Variants in STAG1 observed in about 807,000 individuals in gnomAD.
STAG1 encodes the protein cohesin subunit SA-1.
Under a neutral mutation model 170.9 loss-of-function variants are expected in STAG1, and 26 were observed. That is an observed-to-expected ratio of 0.15 (90% CI 0.11 to 0.21). STAG1 has a LOEUF of 0.21. STAG1 is among the 10% of genes least tolerant of loss of function. The pLI is 1.00. For synonymous variants in STAG1, 514 were observed against 497.7 expected (o/e 1.03, Z -0.44); for missense variants, 964 against 1,509.5 (o/e 0.64, Z 5.99).
At chr3:136,403,973 G>A (rs1430322970) in intron 21 of STAG1, among the ~76,000 whole-genome samples, 1 of 152,070 alleles carries the variant, frequency 6.6e-6, no homozygotes, top group African/African-American at 2.4e-5. Flanking sequence ...CTGCTTTCTC[G>A]CAGACATAAT....
At chr3:136,341,656 A>C in intron 30 of STAG1, 105 bp from the exon 31 acceptor site, 1 of 692,482 alleles carries the variant, frequency 1.4e-6, no homozygotes, top group East Asian at 2.7e-5. Context: ...CCCATGTTGG[A>C]GGAATTAGCT....
In STAG1 at chr3:136,613,313, C is replaced by CAAAAAAAAAAAAAAAAA. The variant is rs60449608; in HGVS notation, c.133-8857_133-8841dup. Among the ~76,000 whole-genome samples, 14 of 59,760 alleles carry CAAAAAAAAAAAAAAAAA rather than the reference C, an allele frequency of 2.3e-4. 1 individual carries two copies. Among genetic ancestry groups the CAAAAAAAAAAAAAAAAA allele is most frequent in the Admixed American group, 5.9e-4 (2 of 3,408 alleles). 39.2% of individuals were successfully genotyped at this position (59,760 alleles called of 152,430 possible). The stretch of plus-strand genomic sequence containing the variant: ...AAGTGAACAGAGTGAGACTCCGTCT[C>CAAAAAAAAAAAAAAAAA]AAAAAAAAAAAAAAAAAAAAAAGAA... On this transcript the variant is annotated intron_variant, in intron 3 of 33. Coordinates refer to ENST00000383202, the MANE Select transcript of STAG1 (RefSeq NM_005862.3).
intron 6 of STAG1, among the ~76,000 whole-genome samples, chr3:136,521,833 G>C (rs1412831840): frequency 6.6e-6 from 1 of 152,134 alleles, no homozygotes. Flanking sequence ...ATTTTAAATT[G>C]AATTTTTAAG....
At chr3:136,655,926 T>A (rs1273813211) in intron 1 of STAG1, among the ~76,000 whole-genome samples, 1 of 152,160 alleles carries the variant, frequency 6.6e-6, no homozygotes, top group African/African-American at 2.4e-5. Flanking sequence ...CTTCTGGGTA[T>A]GTAGTCCAAA....
intron 1 of STAG1, among the ~76,000 whole-genome samples, chr3:136,746,586 T>C (rs535845652): frequency 6.6e-6 from 1 of 152,340 alleles, no homozygotes; most frequent in African/African-American, 2.4e-5. Flanking sequence ...CTAAACCGTA[T>C]GCCATGACTA....
intron 1 of STAG1, among the ~76,000 whole-genome samples, chr3:136,696,534 TTGAGTGATAA>T (rs1055893365): frequency 4.9e-4 from 75 of 152,018 alleles, no homozygotes; most frequent in Non-Finnish European, 3.2e-4. Flanking sequence ...ACTATGAACT[TTGAGTGATAA>T]TGAGTCAGTG....
At chr3:136,604,899 C>T (rs1467066463) in intron 3 of STAG1, among the ~76,000 whole-genome samples, 3 of 152,210 alleles carry the variant, frequency 2.0e-5, no homozygotes, top group African/African-American at 7.2e-5. Context: ...ATTCGCCCAC[C>T]TTGGCCTTCA....
chr3:136,523,622 G>A (rs1176670568), intron 6 of STAG1, among the ~76,000 whole-genome samples: 1 of 152,094 alleles, frequency 6.6e-6, no homozygotes, highest in African/African-American at 2.4e-5. Context: ...GTCAGTTTTG[G>A]CTTTTGTTGC....
intron 1 of STAG1, among the ~76,000 whole-genome samples, chr3:136,687,575 T>A (rs1285598410): frequency 6.6e-6 from 1 of 152,008 alleles, no homozygotes; most frequent in Non-Finnish European, 1.5e-5. Flanking sequence ...TTAGTAAAAA[T>A]TTGTTATAAA....
chr3:136,389,596 T>C (rs1300529506), intron 22 of STAG1, among the ~76,000 whole-genome samples: 11 of 152,066 alleles, frequency 7.2e-5, no homozygotes, highest in Non-Finnish European at 1.6e-4. Flanking sequence ...CTCAGTTCAC[T>C]GCAGCCTCCA....
At position 136,736,436 on chromosome 3, in the gene STAG1, T is replaced by C. The variant is rs1452607606; in HGVS notation, c.-84+15759A>G. ...GGAAGTGGGAGGAAAGAATGAGTCC[T>C]TCGAAGCAGGAAGGGAGATAGCAGG... On this transcript the variant is annotated intron_variant, in intron 1 of 33. Coordinates refer to ENST00000383202, the MANE Select transcript of STAG1 (RefSeq NM_005862.3). 4 of 1,211,676 alleles carry C rather than the reference T, an allele frequency of 3.3e-6. No individual in the cohort carries two copies. In the Admixed American group the frequency reaches 6.9e-5, roughly 21 times the overall value. 75.1% of individuals were successfully genotyped at this position (1,211,676 alleles called of 1,614,324 possible). A position where few individuals can be genotyped will look rare whatever the true frequency, so the allele number is the denominator to read the frequency against.
intron 7 of STAG1, among the ~76,000 whole-genome samples, chr3:136,507,522 CA>C (rs1313676804): frequency 6.6e-6 from 1 of 151,890 alleles, no homozygotes; most frequent in Admixed American, 6.6e-5. Context: ...CCACCATGCC[CA>C]GCTAATTAAA....
At chr3:136,437,465 A>C (rs895385395) in intron 15 of STAG1, among the ~76,000 whole-genome samples, 3 of 152,208 alleles carry the variant, frequency 2.0e-5, no homozygotes, top group African/African-American at 7.2e-5. Flanking sequence ...TTCATGGTAC[A>C]AACTGTCATT....
intron 4 of STAG1, among the ~76,000 whole-genome samples, chr3:136,591,281 A>C: frequency 7.1e-6 from 1 of 140,408 alleles, no homozygotes; most frequent in Admixed American, 7.1e-5. Flanking sequence ...GGAGGAGGGA[A>C]GGCGGGAAGG....
Position 136,521,429 on chromosome 3 carries a change from A to C in STAG1, c.472-12T>G. ...TAATCACCACTGTCCTAAAAAACAG[A>C]AAAAGAACATATTAAGTATGTCACA... is the stretch of plus-strand genomic sequence containing the variant. On this transcript the variant is annotated splice_polypyrimidine_tract_variant and intron_variant, in intron 6 of 33. Transcript: ENST00000383202. The C allele has an allele frequency of 6.2e-7, 1 of 1,611,086 alleles. No homozygotes were observed. Among genetic ancestry groups the C allele is most frequent in the Non-Finnish European group, 8.5e-7 (1 of 1,177,692 alleles).
chr3:136,350,054 C>T (rs1300543390), intron 28 of STAG1, among the ~76,000 whole-genome samples: 3 of 152,040 alleles, frequency 2.0e-5, no homozygotes, highest in Admixed American at 6.6e-5. Context: ...GCAGGAGAAT[C>T]GCTTGAACCC....
chr3:136,725,345 C>G (rs1378264455), intron 1 of STAG1, among the ~76,000 whole-genome samples: 1 of 152,076 alleles, frequency 6.6e-6, no homozygotes, highest in African/African-American at 2.4e-5. Context: ...TTTCTAAAAT[C>G]TGACTAGCTT....
At chr3:136,574,067 C>T (rs1461746033) in intron 4 of STAG1, among the ~76,000 whole-genome samples, 1 of 151,914 alleles carries the variant, frequency 6.6e-6, no homozygotes, top group African/African-American at 2.4e-5. Context: ...ACGGTGAAAT[C>T]CCATTCTACT....
intron 3 of STAG1, among the ~76,000 whole-genome samples, chr3:136,615,883 T>C (rs187757026): frequency 1.4e-4 from 21 of 152,148 alleles, no homozygotes; most frequent in Middle Eastern, 3.4e-3. Context: ...AAGCTAACAG[T>C]ACAGCTGCCA....
Sources: gnomAD v4.1 joint callset for allele counts (sites outside exome capture counted in the v4.1 genomes callset) on GRCh38, gnomAD v4.1.1 for gene constraint, MANE v1.5 for transcripts, NCBI Gene and HGNC (gene_info 2026-07-23, HGNC 2026-07-21) for gene names.